SPOCK1: variants seen among roughly 807,000 people sequenced by gnomAD.
The protein encoded by SPOCK1 is testican-1.
A neutral mutation model predicts 55.3 loss-of-function variants in SPOCK1; 23 were observed. The ratio of observed to expected loss-of-function variants is 0.42; its 90% confidence interval spans 0.30 to 0.59. The LOEUF (loss-of-function observed/expected upper bound fraction) is 0.59. Among genes scored for constraint, SPOCK1 ranks in the 20% least tolerant of loss-of-function variants. SPOCK1 has a pLI of 0.22. For synonymous variants in SPOCK1, 226 were observed against 221.0 expected, an observed-to-expected ratio of 1.02 and a Z score of -0.20; for missense variants, 499 against 552.5, an observed-to-expected ratio of 0.90 and a Z score of 0.97.
At chr5:137,192,249 A>G (rs1036611857) in intron 3 of SPOCK1, among the ~76,000 whole-genome samples, 7 of 150,926 alleles carry the variant, frequency 4.6e-5, no homozygotes, top group East Asian at 4.0e-4. Context: ...AAAAAAAAAA[A>G]AAAAAAGAAA....
chr5:137,381,416 T>C (rs2127175189), intron 2 of SPOCK1, among the ~76,000 whole-genome samples: 1 of 152,312 alleles, frequency 6.6e-6, no homozygotes, highest in Middle Eastern at 3.4e-3. Context: ...CAACTCTATG[T>C]TTCCCCTCTG....
At chr5:137,209,880 A>G (rs11242371) in intron 3 of SPOCK1, among the ~76,000 whole-genome samples, 60,551 of 152,040 alleles carry the variant, frequency 0.4, 13,177 homozygotes, top group Non-Finnish European at 0.48. Context: ...ACCAAAGGTA[A>G]TAAATCCATA....
intron 5 of SPOCK1, among the ~76,000 whole-genome samples, chr5:137,086,153 G>T (rs1752956877): frequency 6.6e-6 from 1 of 152,036 alleles, no homozygotes. Context: ...CCTCACTAAG[G>T]AGCCAGACCT....
intron 2 of SPOCK1, among the ~76,000 whole-genome samples, chr5:137,286,709 G>A (rs1294021101): frequency 6.6e-6 from 1 of 152,170 alleles, no homozygotes; most frequent in Non-Finnish European, 1.5e-5. Context: ...AGGGTGGTAG[G>A]TGAAGCCAGT....
At chr5:137,114,865 G>A (rs1278196410) in intron 4 of SPOCK1, among the ~76,000 whole-genome samples, 1 of 152,180 alleles carries the variant, frequency 6.6e-6, no homozygotes, top group African/African-American at 2.4e-5. Flanking sequence ...CCCAGAAAGG[G>A]GCTATAAAGT....
At chr5:137,092,054 C>A (rs74740206) in intron 5 of SPOCK1, among the ~76,000 whole-genome samples, 6 of 152,112 alleles carry the variant, frequency 3.9e-5, no homozygotes, top group African/African-American at 1.4e-4. Context: ...GCCCTATCTA[C>A]CCCCATACTC....
intron 2 of SPOCK1, among the ~76,000 whole-genome samples, chr5:137,469,287 C>A (rs369934752): frequency 6.6e-6 from 1 of 152,140 alleles, no homozygotes; most frequent in Non-Finnish European, 1.5e-5. Context: ...GAAGGAAACA[C>A]GAATATGTAG....
At chr5:137,446,908 G>T (rs1753141551) in intron 2 of SPOCK1, among the ~76,000 whole-genome samples, 1 of 152,202 alleles carries the variant, frequency 6.6e-6, no homozygotes, top group Admixed American at 6.5e-5. Flanking sequence ...TACTGTAGTT[G>T]TCTTTTTGTG....
intron 3 of SPOCK1, among the ~76,000 whole-genome samples, chr5:137,176,502 A>ATGTGTG (rs10527760): frequency 1.8e-3 from 275 of 150,412 alleles, no homozygotes; most frequent in African/African-American, 5.3e-3. Flanking sequence ...CCCCACCACA[A>ATGTGTG]TGTGTGTGTG....
chr5:137,210,531 T>G (rs1199805632), intron 3 of SPOCK1, among the ~76,000 whole-genome samples: 3 of 152,262 alleles, frequency 2.0e-5, no homozygotes, highest in Non-Finnish European at 4.4e-5. Flanking sequence ...ACCAATCCTT[T>G]TTATTAACTC....
intron 4 of SPOCK1, among the ~76,000 whole-genome samples, chr5:137,116,617 G>A (rs1295720367): frequency 6.6e-6 from 1 of 151,848 alleles, no homozygotes; most frequent in African/African-American, 2.4e-5. Context: ...CTGCACTCCA[G>A]CCTGGGCAAC....
intron 3 of SPOCK1, among the ~76,000 whole-genome samples, chr5:137,183,003 T>A (rs570111347): frequency 6.6e-6 from 1 of 152,244 alleles, no homozygotes; most frequent in African/African-American, 2.4e-5. Context: ...GCACTGGTGT[T>A]CTCTATCTGA....
intron 5 of SPOCK1, among the ~76,000 whole-genome samples, chr5:137,080,388 G>A (rs1752861325): frequency 6.6e-6 from 1 of 152,166 alleles, no homozygotes; most frequent in East Asian, 1.9e-4. Flanking sequence ...CAGTGTTCAG[G>A]GCTGTGCTGA....
intron 3 of SPOCK1, among the ~76,000 whole-genome samples, chr5:137,157,522 G>A (rs1754440549): frequency 1.3e-5 from 2 of 152,156 alleles, no homozygotes; most frequent in South Asian, 4.1e-4. Flanking sequence ...GTGACTCCCA[G>A]AGCAAGAAAG....
At chr5:137,349,772 C>T (rs1032180947) in intron 2 of SPOCK1, among the ~76,000 whole-genome samples, 7 of 152,198 alleles carry the variant, frequency 4.6e-5, no homozygotes, top group African/African-American at 1.4e-4. Context: ...ACACTCTTCT[C>T]TCTCTGCATG....
intron 2 of SPOCK1, among the ~76,000 whole-genome samples, chr5:137,348,171 G>C (rs2698233): frequency 6.6e-6 from 1 of 151,886 alleles, no homozygotes; most frequent in Non-Finnish European, 1.5e-5. Context: ...AAGTAAGTTC[G>C]TATAGAATGA....
intron 2 of SPOCK1, among the ~76,000 whole-genome samples, chr5:137,304,164 A>T (rs969989075): frequency 6.6e-6 from 1 of 152,116 alleles, no homozygotes; most frequent in Non-Finnish European, 1.5e-5. Flanking sequence ...GAAAAAATCC[A>T]CCACCTCATC....
intron 2 of SPOCK1, among the ~76,000 whole-genome samples, chr5:137,478,249 C>A (rs1443549395): frequency 6.6e-6 from 1 of 152,218 alleles, no homozygotes; most frequent in East Asian, 1.9e-4. Context: ...CAGACTAAGT[C>A]ATAATAAATG....
intron 2 of SPOCK1, among the ~76,000 whole-genome samples, chr5:137,490,233 C>A (rs1432838509): frequency 6.6e-6 from 1 of 152,130 alleles, no homozygotes; most frequent in Admixed American, 6.5e-5. Context: ...GGCCCTCTGA[C>A]GACCCATAAT....
Sources: allele counts gnomAD v4.1 joint callset (sites outside exome capture counted in the v4.1 genomes callset), GRCh38; gene constraint gnomAD v4.1.1; transcripts MANE v1.5; gene names NCBI Gene and HGNC (gene_info 2026-07-23, HGNC 2026-07-21).